IFT43: variants seen among roughly 807,000 people sequenced by gnomAD.
IFT43 encodes intraflagellar transport 43, also known as intraflagellar transport protein 43 homolog.
Under a neutral mutation model 32.3 loss-of-function variants are expected in IFT43, and 33 were observed. The observed-to-expected ratio is 1.02, with a 90% CI of 0.77 to 1.37. IFT43 has a LOEUF of 1.37. Ranked by LOEUF, IFT43 falls within the 40% of genes most tolerant of loss-of-function variation. IFT43 has a pLI of 0.00. For missense variants in IFT43, 274 were observed against 265.9 expected (o/e 1.03, Z -0.21); for synonymous variants, 93 against 98.2 (o/e 0.95, Z 0.31).
chr14:76,068,962 A>G (rs150876654), intron 5 of IFT43, among the ~76,000 whole-genome samples: 5 of 152,354 alleles, frequency 3.3e-5, no homozygotes, highest in East Asian at 3.9e-4. Flanking sequence ...GTCACACAGC[A>G]AAATAAGTAA....
chr14:76,058,606 C>G (rs1224862814), intron 3 of IFT43, 36 bp from the exon 4 acceptor site: 5 of 1,607,984 alleles, frequency 3.1e-6, no homozygotes, highest in Non-Finnish European at 3.4e-6. Context: ...GACTAGTGGG[C>G]TCTCAAAAAC....
At chr14:75,994,557 A>G (rs570451544) in intron 2 of IFT43, among the ~76,000 whole-genome samples, 12 of 152,346 alleles carry the variant, frequency 7.9e-5, no homozygotes, top group African/African-American at 2.6e-4. Flanking sequence ...GGTATCCGGC[A>G]CACAGAAACC....
chr14:75,995,918 A>T (rs1373339416), intron 2 of IFT43, among the ~76,000 whole-genome samples: 3 of 152,054 alleles, frequency 2.0e-5, no homozygotes, highest in Non-Finnish European at 2.9e-5. Flanking sequence ...GAGTGTGCAG[A>T]TGTGCATCGC....
At chr14:76,057,198 A>G (rs969822133) in intron 3 of IFT43, among the ~76,000 whole-genome samples, 2 of 151,974 alleles carry the variant, frequency 1.3e-5, no homozygotes, top group East Asian at 1.9e-4. Context: ...TTAAACTTTG[A>G]CTTACTTTTT....
At position 75,985,782 on chromosome 14, in the gene IFT43, C is replaced by G. The variant is rs781021453; in HGVS notation, c.-5C>G. On this transcript the variant is annotated 5_prime_UTR_variant, in exon 1 of 9. Transcript: ENST00000314067. ...TCCAGGAAGTGACGTCAGGCGGCCG[C>G]GGAGATGGAGGATTTGCTCGACTTG... 3.7e-6 allele frequency: 6 copies of G among 1,613,990 alleles called. No homozygotes were observed. The Admixed American group carries it at 5.0e-5, about 13-fold the overall frequency.
downstream of IFT43, chr14:76,083,969 C>G (rs1020520808): frequency 4.3e-6 from 2 of 460,896 alleles, no homozygotes; most frequent in Non-Finnish European, 8.6e-6. Flanking sequence ...CCTCCCTTCC[C>G]GTGGGTGCTC....
At chr14:76,011,670 G>A (rs980403303) in intron 2 of IFT43, among the ~76,000 whole-genome samples, 1 of 152,124 alleles carries the variant, frequency 6.6e-6, no homozygotes, top group Non-Finnish European at 1.5e-5. Context: ...AATAGACTTT[G>A]CGTTTTGATA....
chr14:76,076,656 A>G, intron 5 of IFT43: 4 of 1,614,206 alleles, frequency 2.5e-6, no homozygotes, highest in Non-Finnish European at 3.4e-6. Flanking sequence ...AAAACGCATC[A>G]CAGAGATTTG....
intron 2 of IFT43, among the ~76,000 whole-genome samples, chr14:76,015,192 CT>C (rs2139935516): frequency 6.6e-6 from 1 of 152,284 alleles, no homozygotes; most frequent in Admixed American, 6.5e-5. Context: ...GTGTGTGCCC[CT>C]AACAAGACTC....
At chr14:76,074,474 G>A (rs1486721181) in intron 5 of IFT43, among the ~76,000 whole-genome samples, 1 of 152,192 alleles carries the variant, frequency 6.6e-6, no homozygotes, top group Admixed American at 6.5e-5. Context: ...CACCTGGGCA[G>A]GTGACGCCAG....
At chr14:76,005,352 G>T (rs943314416) in intron 2 of IFT43, among the ~76,000 whole-genome samples, 22 of 152,198 alleles carry the variant, frequency 1.4e-4, no homozygotes, top group African/African-American at 4.8e-4. Context: ...CTGGGACATG[G>T]TCTTTACTCC....
chr14:76,077,644 C>A (rs1424374747), intron 5 of IFT43, among the ~76,000 whole-genome samples: 1 of 152,122 alleles, frequency 6.6e-6, no homozygotes, highest in East Asian at 1.9e-4. Flanking sequence ...AAGTAGGAAG[C>A]TCTTATTTCT....
At chr14:76,052,840 C>T (rs113844699) in intron 3 of IFT43, among the ~76,000 whole-genome samples, 1 of 152,132 alleles carries the variant, frequency 6.6e-6, no homozygotes, top group African/African-American at 2.4e-5. Context: ...ACATTAACTA[C>T]CAGATCATCA....
rs755594860 is a variant in IFT43, at chr14:76,083,237, T to C, written c.455T>C (p.Ile152Thr). 5 of 1,614,080 alleles carry C rather than the reference T, an allele frequency of 3.1e-6. No individual in the cohort carries two copies. In the South Asian group the frequency reaches 5.5e-5, roughly 18 times the overall value. The stretch of plus-strand genomic sequence containing the variant: ...TGTTTGCATTCACAGGATGGGGAGA[T>C]CGACCTGAAACTCCTCACCAAAGTG... ...YSAIQTLDGEIDLKLLTKVLA... is the reference protein window; with the variant it reads ...YSAIQTLDGETDLKLLTKVLA... The change falls in exon 8 of 9, where the codon ATC (isoleucine) becomes ACC (threonine). Residue 152 changes from isoleucine (I) to threonine (T), a missense_variant. Coordinates refer to ENST00000314067, the MANE Select transcript of IFT43 (RefSeq NM_001102564.3).
rs545093321 is a variant in IFT43 at position 75,995,215 on chromosome 14, TAGTTG to T, written c.147+6242_147+6246del. Among the ~76,000 whole-genome samples the T allele has an allele frequency of 7.1e-4, 108 of 152,284 alleles. 1 individual carries two copies. The highest frequency in any genetic ancestry group is 2.5e-3 in the African/African-American group (104 of 41,558). On this transcript the variant is annotated intron_variant, in intron 2 of 8. Coordinates refer to ENST00000314067, the MANE Select transcript of IFT43 (RefSeq NM_001102564.3). ...GAAGCATTCAGCTAATCTGTGACTC[TAGTTG>T]AGTCTTTCTGACTCAAGTGCCTAAC...
chr14:76,014,334 A>T (rs1049296615), intron 2 of IFT43, among the ~76,000 whole-genome samples: 1 of 152,164 alleles, frequency 6.6e-6, no homozygotes, highest in Non-Finnish European at 1.5e-5. Context: ...AAGATGTTCT[A>T]AAAAAACCAT....
rs1566699389 is a variant in IFT43 at position 75,999,254 on chromosome 14, TA to T, written c.147+10278del. Among the ~76,000 whole-genome samples the T allele has an allele frequency of 9.4e-3, 94 of 9,986 alleles. 2 individuals are homozygous for T. The highest frequency in any genetic ancestry group is 0.032 in the African/African-American group (82 of 2,544). 6.6% of individuals were successfully genotyped at this position (9,986 alleles called of 152,430 possible). ...ATATATATATATATATATATATATATATATATATATATATATATGTATATAT... is the reference window on the plus strand; with the variant it reads ...ATATATATATATATATATATATATATTATATATATATATATATGTATATAT... On this transcript the variant is annotated intron_variant, in intron 2 of 8. Transcript: ENST00000314067.
chr14:76,023,260 A>G (rs1456452223), intron 3 of IFT43, among the ~76,000 whole-genome samples: 1 of 152,176 alleles, frequency 6.6e-6, no homozygotes, highest in African/African-American at 2.4e-5. Flanking sequence ...ATGTAACAGG[A>G]ATGTTGCTGT....
intron 3 of IFT43, among the ~76,000 whole-genome samples, chr14:76,034,755 T>C (rs1981792): frequency 0.84 from 127,382 of 152,168 alleles, 53,434 homozygotes; most frequent in Non-Finnish European, 0.86. Context: ...TTGCTCATCC[T>C]TGAGCCACAG....
Sources: gnomAD v4.1 joint callset for allele counts (sites outside exome capture counted in the v4.1 genomes callset) on GRCh38, gnomAD v4.1.1 for gene constraint, MANE v1.5 for transcripts, NCBI Gene and HGNC (gene_info 2026-07-23, HGNC 2026-07-21) for gene names.